The following MGAT4C variants were observed in gnomAD, a reference collection of about 807,000 sequenced individuals.
MGAT4C encodes alpha-1,3-mannosyl-glycoprotein 4-beta-N-acetylglucosaminyltransferase C.
MGAT4C carries 19 observed loss-of-function variants against 40.1 expected under a neutral mutation model. The ratio of observed to expected loss-of-function variants is 0.47; its 90% CI spans 0.33 to 0.70. The LOEUF (loss-of-function observed/expected upper bound fraction) is 0.70, where lower values mean the gene tolerates loss of function less well. MGAT4C is among the 30% of genes least tolerant of loss of function. MGAT4C has a pLI of 0.02. For synonymous variants in MGAT4C, 181 were observed against 187.1 expected (o/e 0.97, Z 0.27); for missense variants, 491 against 563.2 (o/e 0.87, Z 1.30).
At chr12:86,202,057 G>A (rs960802193) in intron 1 of MGAT4C, among the ~76,000 whole-genome samples, 8 of 151,892 alleles carry the variant, frequency 5.3e-5, no homozygotes, top group Non-Finnish European at 8.8e-5. Flanking sequence ...GATTTTTCAC[G>A]AATCCAATCA....
rs150892606 is a variant in MGAT4C, at chr12:86,399,073, C to G, written c.-120+36084G>C. Among the ~76,000 whole-genome samples the G allele has an allele frequency of 2.0e-5, 3 of 152,242 alleles. 1 individual carries two copies. Among genetic ancestry groups the G allele is most frequent in the African/African-American group, 7.2e-5 (3 of 41,522 alleles). The stretch of plus-strand genomic sequence containing the variant: ...GCAACCTCCACTTCCCGGATTCAAG[C>G]GATTCTCCTGCCTCAGCCTCCCGAG... On this transcript the variant is annotated intron_variant, in intron 3 of 7. Coordinates refer to the MGAT4C transcript ENST00000548651.
intron 2 of MGAT4C, among the ~76,000 whole-genome samples, chr12:86,040,653 C>T (rs1891720616): frequency 6.6e-6 from 1 of 152,030 alleles, no homozygotes; most frequent in African/African-American, 2.4e-5. Flanking sequence ...GGCTTCAGCC[C>T]CCTTTCCAGG....
At chr12:86,490,456 C>T (rs1360988128) in intron 2 of MGAT4C, among the ~76,000 whole-genome samples, 1 of 151,958 alleles carries the variant, frequency 6.6e-6, no homozygotes, top group Non-Finnish European at 1.5e-5. Flanking sequence ...CCGGTACCAG[C>T]CACTGCAAAA....
chr12:86,719,837 C>T (rs1950708947), intron 2 of MGAT4C, among the ~76,000 whole-genome samples: 1 of 152,152 alleles, frequency 6.6e-6, no homozygotes, highest in South Asian at 2.1e-4. Context: ...AAAATACACA[C>T]TCACAGATCT....
intron 4 of MGAT4C, among the ~76,000 whole-genome samples, chr12:86,264,813 G>A (rs1044282562): frequency 6.6e-6 from 1 of 151,392 alleles, no homozygotes; most frequent in African/African-American, 2.5e-5. Context: ...CGATCTCAGA[G>A]CAAAGTTGAG....
intron 2 of MGAT4C, among the ~76,000 whole-genome samples, chr12:86,715,820 A>C (rs1460433214): frequency 6.6e-6 from 1 of 152,144 alleles, no homozygotes; most frequent in Non-Finnish European, 1.5e-5. Context: ...AAAGTTTAGT[A>C]ATCATGTTAC....
intron 1 of MGAT4C, among the ~76,000 whole-genome samples, chr12:86,145,992 A>C (rs934408554): frequency 2.0e-5 from 3 of 152,192 alleles, no homozygotes; most frequent in Non-Finnish European, 4.4e-5. Flanking sequence ...CTATGAATGA[A>C]AACAGTCTAA....
intron 1 of MGAT4C, among the ~76,000 whole-genome samples, chr12:86,095,205 G>A (rs948219433): frequency 1.3e-4 from 20 of 152,168 alleles, no homozygotes; most frequent in South Asian, 4.1e-4. Flanking sequence ...GATGACTAGC[G>A]CATGCTCTTC....
intron 1 of MGAT4C, among the ~76,000 whole-genome samples, chr12:86,075,486 G>A (rs1398574502): frequency 1.3e-5 from 2 of 152,112 alleles, no homozygotes; most frequent in Non-Finnish European, 2.9e-5. Flanking sequence ...TACCATTCTG[G>A]GGTCTGGAAG....
intron 1 of MGAT4C, among the ~76,000 whole-genome samples, chr12:86,099,648 T>C (rs1874595410): frequency 6.6e-6 from 1 of 151,218 alleles, no homozygotes; most frequent in Non-Finnish European, 1.5e-5. Context: ...TTTCTTAAAG[T>C]AAGAAATCAG....
chr12:86,638,771 A>G (rs1044593466), intron 2 of MGAT4C, among the ~76,000 whole-genome samples: 1 of 151,720 alleles, frequency 6.6e-6, no homozygotes, highest in Non-Finnish European at 1.5e-5. Context: ...TGACCATATT[A>G]ATTTTTCCTC....
chr12:86,223,694 G>A (rs1950967817), intron 1 of MGAT4C, among the ~76,000 whole-genome samples: 1 of 152,124 alleles, frequency 6.6e-6, no homozygotes, highest in Non-Finnish European at 1.5e-5. Flanking sequence ...TTGTAATGAT[G>A]TTTTCACCAT....
chr12:86,773,041 T>C (rs1265949897), intron 1 of MGAT4C, among the ~76,000 whole-genome samples: 1 of 152,114 alleles, frequency 6.6e-6, no homozygotes. Flanking sequence ...GGGCAGAGCA[T>C]GACATGCTGT....
rs1882968622 is a variant in MGAT4C at position 85,959,020 on chromosome 12, C to CATTATACAAT, written c.*20268_*20269insATTGTATAAT. On this transcript the variant is annotated 3_prime_UTR_variant, in exon 5 of 5. Coordinates refer to ENST00000611864, the MANE Select transcript of MGAT4C (RefSeq NM_001351288.2). ...GCTATGTTATTAAATCTCTGGTAAC[C>CATTATACAAT]ACTATACAATACAATACAATACAAT... The CATTATACAAT allele has an allele frequency of 8.3e-6, 1 of 120,696 alleles. No individual in the cohort carries two copies. The highest frequency in any genetic ancestry group is 1.9e-5 in the Non-Finnish European group (1 of 52,498). 7.5% of individuals were successfully genotyped at this position (120,696 alleles called of 1,614,324 possible). A position where few individuals can be genotyped will look rare whatever the true frequency, so the allele number is the denominator to read the frequency against.
At chr12:86,740,475 G>C (rs1279827093) in intron 1 of MGAT4C, among the ~76,000 whole-genome samples, 1 of 151,068 alleles carries the variant, frequency 6.6e-6, no homozygotes, top group Non-Finnish European at 1.5e-5. Flanking sequence ...AGATAATAGA[G>C]GGTGCATTTA....
At chr12:86,190,136 G>A (rs978970020) in intron 1 of MGAT4C, among the ~76,000 whole-genome samples, 1 of 151,942 alleles carries the variant, frequency 6.6e-6, no homozygotes, top group Admixed American at 6.6e-5. Flanking sequence ...GGGAATAAAT[G>A]CCAAAATAAG....
At chr12:86,729,211 T>C (rs1217057220) in intron 1 of MGAT4C, among the ~76,000 whole-genome samples, 2 of 151,970 alleles carry the variant, frequency 1.3e-5, no homozygotes, top group Admixed American at 6.6e-5. Flanking sequence ...AGTAGAAGAG[T>C]ATCATTGAAT....
chr12:86,041,140 T>G (rs542895434), intron 2 of MGAT4C, among the ~76,000 whole-genome samples: 7 of 92,196 alleles, frequency 7.6e-5, no homozygotes, highest in Non-Finnish European at 1.3e-4. Flanking sequence ...TCTTGCCCAT[T>G]TTTTTTTTTC....
chr12:86,138,528 C>G (rs1245448445), intron 1 of MGAT4C, among the ~76,000 whole-genome samples: 1 of 145,996 alleles, frequency 6.8e-6, no homozygotes, highest in African/African-American at 2.5e-5. Context: ...ATAGATATAT[C>G]ATGTATATAT....
Sources: gnomAD v4.1 joint callset for allele counts (sites outside exome capture counted in the v4.1 genomes callset) on GRCh38, gnomAD v4.1.1 for gene constraint, MANE v1.5 for transcripts, NCBI Gene and HGNC (gene_info 2026-07-23, HGNC 2026-07-21) for gene names.